PRSS12: variants seen among roughly 807,000 people sequenced by gnomAD.
PRSS12 encodes the protein serine protease 12.
In PRSS12, 85 loss-of-function variants were observed where a neutral mutation model predicts 104.4. That is an observed-to-expected ratio of 0.81 (90% CI 0.68 to 0.98). The LOEUF (loss-of-function observed/expected upper bound fraction) is 0.98. Among genes scored for constraint, PRSS12 ranks in the 50% least tolerant of loss-of-function variants. The pLI is 0.00. For missense variants in PRSS12, 1,141 were observed against 1,139.2 expected (o/e 1.00, Z -0.02); for synonymous variants, 454 against 425.2 (o/e 1.07, Z -0.83).
At chr4:118,299,751 A>AAAT (rs1743350039) in intron 8 of PRSS12, among the ~76,000 whole-genome samples, 5 of 47,938 alleles carry the variant, frequency 1.0e-4, no homozygotes, top group Admixed American at 2.6e-4. Context: ...TAAAATAAAT[A>AAAT]AAATAAATAA....
rs771005251 is a variant in PRSS12, at chr4:118,352,205, C to A, written c.502+14G>T. On this transcript the variant is annotated intron_variant, in intron 1 of 12. Coordinates refer to ENST00000296498, the MANE Select transcript of PRSS12 (RefSeq NM_003619.4). ...CCCGTCCGGAGTTTCCGCGGCCGCC[C>A]CGAGGCCACTAACCGTGTCTGCAGT... 2.5e-6 allele frequency: 4 copies of A among 1,611,014 alleles called. No homozygotes were observed. The highest frequency in any genetic ancestry group is 1.1e-5 in the South Asian group (1 of 90,666).
Position 118,295,834 on chromosome 4 carries a change from GC to G in PRSS12, c.1859del (p.Gly620AlafsTer2). ...TCTGCCGACGGTGCAGTAATCTCAA[GC>G]CACAAACAGATGAGAGGGACTCTGA... ...SNKESLSSVC[G>X]LRLLHRRQKR... On this transcript the variant is annotated frameshift_variant, in exon 10 of 13. Coordinates refer to ENST00000296498, the MANE Select transcript of PRSS12 (RefSeq NM_003619.4). LOFTEE classifies it high-confidence loss of function. 6.2e-7 allele frequency: 1 copy of G among 1,613,994 alleles called. No individual in the cohort carries two copies.
chr4:118,331,328 A>T (rs1292325172), intron 4 of PRSS12, among the ~76,000 whole-genome samples: 1 of 152,250 alleles, frequency 6.6e-6, no homozygotes, highest in Non-Finnish European at 1.5e-5. Context: ...AGTGCAGTTC[A>T]AAAGTTTAGA....
intron 11 of PRSS12, among the ~76,000 whole-genome samples, chr4:118,293,255 T>A (rs1039186343): frequency 6.6e-6 from 1 of 151,834 alleles, no homozygotes; most frequent in African/African-American, 2.4e-5. Flanking sequence ...TAAGATTAGG[T>A]CCTTTCTTCA....
chr4:118,318,728 A>G (rs1030171282), intron 4 of PRSS12, among the ~76,000 whole-genome samples, 172 bp from the exon 5 acceptor site: 5 of 151,888 alleles, frequency 3.3e-5, no homozygotes, highest in African/African-American at 1.2e-4. Context: ...GTTGTCCTTT[A>G]TATTTTCAGC....
chr4:118,297,131 G>T (rs147626223), intron 9 of PRSS12, among the ~76,000 whole-genome samples: 1 of 152,232 alleles, frequency 6.6e-6, no homozygotes, highest in East Asian at 1.9e-4. Context: ...GCTTCAGTTT[G>T]AATCACCTTA....
rs745564161 is a variant in PRSS12, at chr4:118,294,907, AC to A, written c.2039+31del. 47 of 1,613,198 alleles carry A rather than the reference AC, an allele frequency of 2.9e-5. No individual in the cohort carries two copies. In the Middle Eastern group the frequency reaches 6.6e-4, roughly 23 times the overall value. On this transcript the variant is annotated intron_variant, in intron 11 of 12. Transcript: ENST00000296498. Reference sequence around the variant, plus strand: ...TTGGAAGAACTGATGAATAGAAGCTACACTAGGTTGTTTGGGAAGGTGGACA... The same window carrying A: ...TTGGAAGAACTGATGAATAGAAGCTAACTAGGTTGTTTGGGAAGGTGGACA...
In PRSS12 at chr4:118,320,816, A is replaced by G. The variant is rs1252088334; in HGVS notation, c.972-2260T>C. ...AATGCTTAGGGAATGCTCCGTCATC[A>G]CCTGACTCACTTTGAGTTTAAAATT... is the stretch of plus-strand genomic sequence containing the variant. On this transcript the variant is annotated intron_variant, in intron 4 of 12. Transcript: ENST00000296498. 9.9e-5 allele frequency among the ~76,000 whole-genome samples: 15 copies of G among 152,274 alleles called. No individual in the cohort carries two copies. The East Asian group carries it at 2.9e-3, about 29-fold the overall frequency.
At chr4:118,348,170 A>G (rs1300373289) in intron 1 of PRSS12, among the ~76,000 whole-genome samples, 1 of 152,242 alleles carries the variant, frequency 6.6e-6, no homozygotes, top group Non-Finnish European at 1.5e-5. Flanking sequence ...CAGAGGTTGC[A>G]GTGAGCTGAG....
Position 118,316,209 on chromosome 4 carries a change from T to G in PRSS12, c.1265A>C (p.Tyr422Ser). The G allele has an allele frequency of 6.2e-7, 1 of 1,614,082 alleles. No individual in the cohort carries two copies. The highest frequency in any genetic ancestry group is 8.5e-7 in the Non-Finnish European group (1 of 1,179,982). The change falls in exon 6 of 13, where the codon TAC (tyrosine) becomes TCC (serine). Residue 422 changes from tyrosine (Y) to serine (S), a missense_variant. Transcript: ENST00000296498. Reference protein sequence around the residue: ...CDDGWTELNTYVVCRQLGFKY... With the variant: ...CDDGWTELNTSVVCRQLGFKY... ...AAATCCCAATTGTCGACAAACCACG[T>G]ATGTATTCAGCTCAGTCCAGCCATC...
At chr4:118,309,474 ATC>A (rs10572828) in intron 7 of PRSS12, among the ~76,000 whole-genome samples, 128,463 of 151,844 alleles carry the variant, frequency 0.85, 56,070 homozygotes, top group South Asian at 0.95. Context: ...GGCCTGGAGC[ATC>A]TCTCTCTCTC....
intron 9 of PRSS12, 56 bp from the exon 10 acceptor site, chr4:118,295,912 A>G: frequency 6.9e-7 from 1 of 1,440,058 alleles, no homozygotes. Context: ...GAGGGGTAAG[A>G]CGATAAGTGA....
At chr4:118,322,906 T>C (rs1394791520) in intron 4 of PRSS12, among the ~76,000 whole-genome samples, 1 of 151,714 alleles carries the variant, frequency 6.6e-6, no homozygotes, top group Non-Finnish European at 1.5e-5. Context: ...TTCAATTTTA[T>C]AAACGCCAGG....
At chr4:118,347,970 C>T (rs947930628) in intron 1 of PRSS12, among the ~76,000 whole-genome samples, 27 of 152,290 alleles carry the variant, frequency 1.8e-4, no homozygotes, top group Non-Finnish European at 3.2e-4. Flanking sequence ...TAGCTCATGC[C>T]TGTAATTCCA....
chr4:118,281,484 G>T lies in PRSS12; in HGVS notation c.*452C>A, dbSNP rs138260918. On this transcript the variant is annotated 3_prime_UTR_variant, in exon 13 of 13. Coordinates refer to ENST00000296498, the MANE Select transcript of PRSS12 (RefSeq NM_003619.4). ...GCTACAGAGAATATGAAGATTTCTTGTCAAGTCTTTTGAAAAGACCTAAGC... is the reference window on the plus strand; with the variant it reads ...GCTACAGAGAATATGAAGATTTCTTTTCAAGTCTTTTGAAAAGACCTAAGC... The T allele has an allele frequency of 2.4e-3, 457 of 189,220 alleles. 3 individuals are homozygous for T. The highest frequency in any genetic ancestry group is 0.01 in the African/African-American group (434 of 42,562). 11.7% of individuals were successfully genotyped at this position (189,220 alleles called of 1,614,324 possible).
Position 118,352,200 on chromosome 4 carries a change from C to A in PRSS12, c.502+19G>T, listed in dbSNP as rs762936180. On this transcript the variant is annotated intron_variant, in intron 1 of 12. Coordinates refer to ENST00000296498, the MANE Select transcript of PRSS12 (RefSeq NM_003619.4). Reference sequence around the variant, plus strand: ...CCGAGCCCGTCCGGAGTTTCCGCGGCCGCCCCGAGGCCACTAACCGTGTCT... The same window carrying A: ...CCGAGCCCGTCCGGAGTTTCCGCGGACGCCCCGAGGCCACTAACCGTGTCT... 47 of 1,610,300 alleles carry A rather than the reference C, an allele frequency of 2.9e-5. No homozygotes were observed. The highest frequency in any genetic ancestry group is 1.6e-4 in the Middle Eastern group (1 of 6,068).
At chr4:118,317,148 G>A (rs1222087185) in intron 5 of PRSS12, among the ~76,000 whole-genome samples, 1 of 151,824 alleles carries the variant, frequency 6.6e-6, no homozygotes, top group Non-Finnish European at 1.5e-5. Flanking sequence ...TTATTTGTTA[G>A]GCATTCATGA....
intron 4 of PRSS12, among the ~76,000 whole-genome samples, chr4:118,328,942 T>C (rs369943570): frequency 6.6e-6 from 1 of 152,094 alleles, no homozygotes; most frequent in Non-Finnish European, 1.5e-5. Flanking sequence ...CCCAGGTGCC[T>C]ACCACCACAC....
intron 6 of PRSS12, among the ~76,000 whole-genome samples, chr4:118,315,884 A>C (rs1175064882): frequency 6.6e-6 from 1 of 152,246 alleles, no homozygotes; most frequent in Non-Finnish European, 1.5e-5. Context: ...GTCAGAATAA[A>C]AATGAGCATT....
Sources: allele counts gnomAD v4.1 joint callset (sites outside exome capture counted in the v4.1 genomes callset), GRCh38; gene constraint gnomAD v4.1.1; transcripts MANE v1.5; gene names NCBI Gene and HGNC (gene_info 2026-07-23, HGNC 2026-07-21).